Variants in TFPI observed in about 807,000 individuals in gnomAD.
TFPI encodes the protein tissue factor pathway inhibitor.
Under a neutral mutation model 34.6 loss-of-function variants are expected in TFPI, and 15 were observed. The observed-to-expected ratio is 0.43, with a 90% confidence interval of 0.29 to 0.67. The LOEUF is 0.67. Ranked by LOEUF, TFPI falls within the 30% of genes least tolerant of loss-of-function variation. The pLI, the probability that TFPI is intolerant of heterozygous loss-of-function variation, is 0.15. For synonymous variants in TFPI, 105 were observed against 120.1 expected (o/e 0.87, Z 0.82); for missense variants, 301 against 364.0 (o/e 0.83, Z 1.41).
chr2:187,530,334 A>G (rs1472431627), intron 1 of TFPI, among the ~76,000 whole-genome samples: 2 of 152,210 alleles, frequency 1.3e-5, no homozygotes, highest in African/African-American at 4.8e-5. Flanking sequence ...ATTGCGCACA[A>G]TAAAATTCGC....
chr2:187,526,678 G>A (rs1687694705), intron 1 of TFPI: 1 of 152,050 alleles, frequency 6.6e-6, no homozygotes, highest in Non-Finnish European at 1.5e-5. Context: ...TATACTAAAA[G>A]CATGGTACTT....
At chr2:187,494,554 C>A (rs894545171) in intron 3 of TFPI, among the ~76,000 whole-genome samples, 1 of 152,078 alleles carries the variant, frequency 6.6e-6, no homozygotes, top group African/African-American at 2.4e-5. Flanking sequence ...TTTTATAGTT[C>A]TTTATGTTGG....
chr2:187,488,590 T>C (rs1693467052), intron 3 of TFPI, among the ~76,000 whole-genome samples: 1 of 151,456 alleles, frequency 6.6e-6, no homozygotes, highest in Admixed American at 6.6e-5. Flanking sequence ...AATAGAGTAA[T>C]GTTTTAGAAA....
At position 187,474,012 on chromosome 2, in the gene TFPI, C is replaced by T. The variant is rs145924956; in HGVS notation, c.629-6080G>A. ...GTTGGATTTCATTGCCTAGATACTG[C>T]GTAATCCATGGACAGAGTCCATAAA... On this transcript the variant is annotated intron_variant, in intron 6 of 7. Transcript: ENST00000233156. Among the ~76,000 whole-genome samples, 23 of 152,094 alleles carry T rather than the reference C, an allele frequency of 1.5e-4. No homozygotes were observed. The East Asian group carries it at 2.5e-3, about 17-fold the overall frequency.
At chr2:187,485,930 C>T (rs1258867769) in intron 4 of TFPI, among the ~76,000 whole-genome samples, 1 of 151,538 alleles carries the variant, frequency 6.6e-6, no homozygotes, top group East Asian at 1.9e-4. Context: ...ACTTGTTCTT[C>T]TATGTCAGGG....
chr2:187,546,897 T>C (rs1343568718), intron 1 of TFPI: 3 of 152,222 alleles, frequency 2.0e-5, no homozygotes, highest in East Asian at 1.9e-4. Context: ...GAATGGGATA[T>C]CTTGTGGGAG....
intron 1 of TFPI, chr2:187,517,022 C>T (rs956519064): frequency 2.0e-5 from 3 of 152,180 alleles, no homozygotes; most frequent in African/African-American, 7.2e-5. Context: ...AATAAAGCTC[C>T]TTCCTTCTTT....
intron 1 of TFPI, among the ~76,000 whole-genome samples, chr2:187,539,697 T>C (rs1688466584): frequency 6.6e-6 from 1 of 152,148 alleles, no homozygotes. Context: ...AATTGGTCCA[T>C]TTGTTTTCAA....
chr2:187,473,525 C>A (rs1692183504), intron 6 of TFPI, among the ~76,000 whole-genome samples: 1 of 151,706 alleles, frequency 6.6e-6, no homozygotes, highest in South Asian at 2.1e-4. Context: ...CTTTTTTATT[C>A]AAATTCTTTG....
At chr2:187,506,223 TC>T (rs1480609366) in intron 1 of TFPI, among the ~76,000 whole-genome samples, 2 of 151,984 alleles carry the variant, frequency 1.3e-5, no homozygotes, top group Admixed American at 1.3e-4. Context: ...CATTTGCAGA[TC>T]TCCTCCCCCC....
intron 1 of TFPI, chr2:187,518,725 G>T (rs577973247): frequency 6.6e-6 from 1 of 152,188 alleles, no homozygotes; most frequent in African/African-American, 2.4e-5. Flanking sequence ...ATAATATCCC[G>T]AAGAGTGTTT....
intron 6 of TFPI, chr2:187,478,769 A>C: frequency 6.2e-7 from 1 of 1,613,736 alleles, no homozygotes; most frequent in Non-Finnish European, 8.5e-7. Flanking sequence ...TATGAGCCGC[A>C]TTCTTCCAAC....
intron 4 of TFPI, among the ~76,000 whole-genome samples, chr2:187,485,997 T>C (rs920077525): frequency 6.6e-6 from 1 of 151,746 alleles, no homozygotes; most frequent in Non-Finnish European, 1.5e-5. Context: ...ATAATGTTAA[T>C]GATTTCTGCA....
chr2:187,548,047 AATAT>A (rs1368673919), intron 1 of TFPI, among the ~76,000 whole-genome samples: 1 of 152,092 alleles, frequency 6.6e-6, no homozygotes, highest in African/African-American at 2.4e-5. Flanking sequence ...ATATATAAAA[AATAT>A]ATAGTTAATG....
intron 1 of TFPI, among the ~76,000 whole-genome samples, chr2:187,549,224 G>A (rs1278638807): frequency 2.6e-5 from 4 of 152,064 alleles, no homozygotes; most frequent in Non-Finnish European, 5.9e-5. Flanking sequence ...TTTGCCTCAA[G>A]TGGTGTAAAA....
At chr2:187,512,661 T>G (rs962034750) in intron 1 of TFPI, among the ~76,000 whole-genome samples, 1 of 152,098 alleles carries the variant, frequency 6.6e-6, no homozygotes, top group African/African-American at 2.4e-5. Context: ...CAGTGTAACA[T>G]ATATTATAGT....
At chr2:187,480,260 CA>C (rs1302735309) in intron 6 of TFPI, among the ~76,000 whole-genome samples, 1 of 151,970 alleles carries the variant, frequency 6.6e-6, no homozygotes, top group Non-Finnish European at 1.5e-5. Context: ...AGTTGTTTAA[CA>C]AATGAGAATC....
chr2:187,494,027 ACT>A (rs1400337881), intron 3 of TFPI, among the ~76,000 whole-genome samples: 5 of 151,962 alleles, frequency 3.3e-5, no homozygotes, highest in Non-Finnish European at 7.4e-5. Flanking sequence ...ACCCCATTCT[ACT>A]GGTACCAATT....
chr2:187,510,463 T>G (rs1032950653), intron 1 of TFPI, among the ~76,000 whole-genome samples: 1 of 152,178 alleles, frequency 6.6e-6, no homozygotes, highest in Non-Finnish European at 1.5e-5. Context: ...GCTTTCAAAA[T>G]GACAAATGCA....
Sources: gnomAD v4.1 joint callset for allele counts (sites outside exome capture counted in the v4.1 genomes callset) on GRCh38, gnomAD v4.1.1 for gene constraint, MANE v1.5 for transcripts, NCBI Gene and HGNC (gene_info 2026-07-23, HGNC 2026-07-21) for gene names.